WDR5: variants seen among roughly 807,000 people sequenced by gnomAD.
WDR5 encodes the protein WD repeat domain 5.
For missense variants in WDR5, 187 were observed against 416.9 expected, an observed-to-expected ratio of 0.45 and a Z score of 4.80; for synonymous variants, 144 against 161.6, an observed-to-expected ratio of 0.89 and a Z score of 0.83.
intron 7 of WDR5, among the ~76,000 whole-genome samples, chr9:134,145,092 C>CTTTTTTTT (rs1564191284): frequency 3.5e-5 from 2 of 56,836 alleles, no homozygotes; most frequent in African/African-American, 5.5e-5. Context: ...GTTTGTGGGG[C>CTTTTTTTT]TTTGTTTTTT....
At chr9:134,147,643 G>A (rs1832273379) in intron 7 of WDR5, among the ~76,000 whole-genome samples, 1 of 152,190 alleles carries the variant, frequency 6.6e-6, no homozygotes, top group Non-Finnish European at 1.5e-5. Context: ...GCTTCCTTGT[G>A]TGGCTTGATT....
chr9:134,147,187 C>G (rs1015938264), intron 7 of WDR5, among the ~76,000 whole-genome samples: 6 of 152,228 alleles, frequency 3.9e-5, no homozygotes, highest in Admixed American at 2.0e-4. Context: ...TCTAATGTAG[C>G]TTCTAGAACA....
chr9:134,158,326 G>A lies in WDR5; in HGVS notation c.*333G>A, dbSNP rs940243681. 3 of 206,456 alleles carry A rather than the reference G, an allele frequency of 1.5e-5. No homozygotes were observed. The highest frequency in any genetic ancestry group is 2.7e-4 in the East Asian group (2 of 7,368). 12.8% of individuals were successfully genotyped at this position (206,456 alleles called of 1,614,324 possible). A position where few individuals can be genotyped will look rare whatever the true frequency, so the allele number is the denominator to read the frequency against. ...CATGCGTTGTGTTTTTTCAGTAAAC[G>A]TTCTGTATCTTTTTGATATTCCATG... is the stretch of plus-strand genomic sequence containing the variant. On this transcript the variant is annotated 3_prime_UTR_variant, in exon 14 of 14. Transcript: ENST00000358625.
chr9:134,151,550 G>C (rs1228902277), intron 8 of WDR5, among the ~76,000 whole-genome samples: 4 of 152,216 alleles, frequency 2.6e-5, no homozygotes, highest in African/African-American at 9.7e-5. Context: ...CCAGAAGACT[G>C]CTTACAATAC....
chr9:134,141,891 T>G (rs1831908765), intron 4 of WDR5, 58 bp from the exon 5 acceptor site: 2 of 1,535,438 alleles, frequency 1.3e-6, no homozygotes, highest in Non-Finnish European at 1.8e-6. Flanking sequence ...ATTTTGACCT[T>G]TTGCCGATGG....
chr9:134,142,814 C>CCATG, intron 7 of WDR5, 95 bp downstream of exon 7: 1 of 1,299,320 alleles, frequency 7.7e-7, no homozygotes, highest in Non-Finnish European at 1.1e-6. Flanking sequence ...GTAAGCCTGG[C>CCATG]CATGGCCTGT....
At chr9:134,140,030 G>A (rs1831798832) in intron 2 of WDR5, 72 bp downstream of exon 2, 1 of 1,549,220 alleles carries the variant, frequency 6.5e-7, no homozygotes, top group African/African-American at 1.4e-5. Flanking sequence ...AACATCTCAA[G>A]CTCATAAGCC....
intron 7 of WDR5, among the ~76,000 whole-genome samples, chr9:134,144,328 C>G (rs777019661): frequency 6.6e-6 from 1 of 152,184 alleles, no homozygotes; most frequent in Admixed American, 6.5e-5. Flanking sequence ...TCCAGGACAC[C>G]TTGGGTCATA....
Position 134,142,313 on chromosome 9 carries a change from CTAA to C in WDR5, c.355-14_355-12del. The C allele has an allele frequency of 1.9e-6, 3 of 1,608,380 alleles. No individual in the cohort carries two copies. The highest frequency in any genetic ancestry group is 2.6e-6 in the Non-Finnish European group (3 of 1,175,400). On this transcript the variant is annotated splice_polypyrimidine_tract_variant and intron_variant, in intron 5 of 13. Transcript: ENST00000358625. Reference sequence around the variant, plus strand: ...TGGGGAAATAAGCACTGGAATAATCCTAATAATACTCTGTTATAGGGCAAGTGT... The same window carrying C: ...TGGGGAAATAAGCACTGGAATAATCCTAATACTCTGTTATAGGGCAAGTGT...
chr9:134,157,592 C>T lies in WDR5; in HGVS notation c.905-301C>T, dbSNP rs919968247. ...CTGCCGCGCTCCTCCTTGTGGGCGC[C>T]GAGCTGCTGTTGGTGGGGGCGTGTG... On this transcript the variant is annotated intron_variant, in intron 13 of 13. Transcript: ENST00000358625. The surrounding 1 kb of genome is among the most constrained non-coding windows in gnomAD (Gnocchi z 5.0). Among the ~76,000 whole-genome samples, 6 of 152,122 alleles carry T rather than the reference C, an allele frequency of 3.9e-5. No homozygotes were observed. Among genetic ancestry groups the T allele is most frequent in the East Asian group, 1.9e-4 (1 of 5,174 alleles).
At position 134,142,736 on chromosome 9, in the gene WDR5, C is replaced by G; in HGVS notation, c.528+17C>G. On this transcript the variant is annotated intron_variant, in intron 7 of 13. Coordinates refer to ENST00000358625, the MANE Select transcript of WDR5 (RefSeq NM_017588.3). Reference sequence around the variant, plus strand: ...GTCTCGGCCGTAAGTCCCTCTGACACGGATGGGGTGGTGTCCAGCACTACG... The same window carrying G: ...GTCTCGGCCGTAAGTCCCTCTGACAGGGATGGGGTGGTGTCCAGCACTACG... 4 of 1,613,294 alleles carry G rather than the reference C, an allele frequency of 2.5e-6. No individual in the cohort carries two copies. Among genetic ancestry groups the G allele is most frequent in the Admixed American group, 1.7e-5 (1 of 60,024 alleles).
chr9:134,149,752 CCTTTTAAGT>C (rs1832401685), intron 8 of WDR5, among the ~76,000 whole-genome samples: 1 of 152,146 alleles, frequency 6.6e-6, no homozygotes, highest in African/African-American at 2.4e-5. Context: ...GTAATGAAAG[CCTTTTAAGT>C]CCCATAATGG....
At chr9:134,151,236 G>A (rs1025147472) in intron 8 of WDR5, among the ~76,000 whole-genome samples, 11 of 152,278 alleles carry the variant, frequency 7.2e-5, no homozygotes, top group African/African-American at 2.4e-4. Context: ...CTGGATTATT[G>A]AAGTGTGGGC....
intron 12 of WDR5, 27 bp from the exon 13 acceptor site, chr9:134,156,479 C>G (rs1832744496): frequency 2.5e-6 from 4 of 1,610,204 alleles, no homozygotes; most frequent in Admixed American, 1.7e-5. Flanking sequence ...TTTCCTTGCC[C>G]TGTTTTCCCT....
intron 1 of WDR5, among the ~76,000 whole-genome samples, chr9:134,136,510 GGCCTCACATCGCCCCTCT>G (rs1279252688): frequency 6.6e-6 from 1 of 152,128 alleles, no homozygotes; most frequent in Admixed American, 6.5e-5. Flanking sequence ...CAGCGTGCCC[GGCCTCACATCGCCCCTCT>G]CCCTCCACTG....
chr9:134,137,803 G>T (rs1831655708), intron 1 of WDR5, among the ~76,000 whole-genome samples: 1 of 152,200 alleles, frequency 6.6e-6, no homozygotes, highest in Non-Finnish European at 1.5e-5. Flanking sequence ...GCCCAGGCTG[G>T]AGTGCAGTGG....
Position 134,142,098 on chromosome 9 carries a change from C to T in WDR5, c.354+60C>T, listed in dbSNP as rs73663200. Reference sequence around the variant, plus strand: ...CCGGCTGCAGGGCACGGGGCAGGTGCGGGGGACTGAGTTGACTGCTCAGTA... The same window carrying T: ...CCGGCTGCAGGGCACGGGGCAGGTGTGGGGGACTGAGTTGACTGCTCAGTA... On this transcript the variant is annotated intron_variant, in intron 5 of 13. Transcript: ENST00000358625. The T allele has an allele frequency of 8.8e-3, 11,589 of 1,314,398 alleles. 696 individuals carry two copies. The African/African-American group carries it at 0.15, about 18-fold the overall frequency. 81.4% of individuals were successfully genotyped at this position (1,314,398 alleles called of 1,614,324 possible).
intron 7 of WDR5, among the ~76,000 whole-genome samples, chr9:134,143,811 G>A (rs1203374931): frequency 6.7e-6 from 1 of 149,648 alleles, no homozygotes; most frequent in African/African-American, 2.5e-5. Context: ...CACTGCGCCC[G>A]GCCAAAACTC....
intron 9 of WDR5, among the ~76,000 whole-genome samples, chr9:134,154,252 G>A (rs1288237739): frequency 2.0e-5 from 3 of 152,118 alleles, no homozygotes; most frequent in South Asian, 2.1e-4. Context: ...AGGGGCCCCC[G>A]GGCCTATGGG....
Sources: allele counts gnomAD v4.1 joint callset (sites outside exome capture counted in the v4.1 genomes callset), GRCh38; gene constraint gnomAD v4.1.1; non-coding constraint Gnocchi (gnomAD v3.1); transcripts MANE v1.5; gene names NCBI Gene and HGNC (gene_info 2026-07-23, HGNC 2026-07-21).